The following HS6ST2 variants were observed in gnomAD, a reference collection of about 807,000 sequenced individuals.
HS6ST2 encodes heparan-sulfate 6-O-sulfotransferase 2.
Under a neutral mutation model 33.0 loss-of-function variants are expected in HS6ST2, and 17 were observed. That is an observed-to-expected ratio of 0.52 (90% confidence interval 0.35 to 0.77). The LOEUF (loss-of-function observed/expected upper bound fraction) is 0.77, where lower values mean the gene tolerates loss of function less well. HS6ST2 is among the 30% of genes least tolerant of loss of function. HS6ST2 has a pLI of 0.01. For missense variants in HS6ST2, 519 were observed against 551.7 expected (o/e 0.94, Z 0.59); for synonymous variants, 248 against 237.1 (o/e 1.05, Z -0.42).
At chrX:132,787,937 A>G (rs910428193) in intron 2 of HS6ST2, among the ~76,000 whole-genome samples, 6 of 110,897 alleles carry the variant, frequency 5.4e-5, no homozygotes, top group Non-Finnish European at 1.1e-4. Flanking sequence ...ACATGTGTTT[A>G]TCTATCCATC....
chrX:132,665,672 G>C (rs910781274), intron 4 of HS6ST2, among the ~76,000 whole-genome samples: 3 of 111,087 alleles, frequency 2.7e-5, no homozygotes, highest in Non-Finnish European at 5.7e-5. Flanking sequence ...TAAATGCAGT[G>C]GTCTGGCCTG....
At chrX:132,856,982 C>G (rs184021516) in intron 2 of HS6ST2, among the ~76,000 whole-genome samples, 2 of 111,733 alleles carry the variant, frequency 1.8e-5, no homozygotes, top group Admixed American at 1.9e-4. Context: ...GCTCTCAGGA[C>G]AGAGGACTAA....
chrX:132,804,685 G>C (rs952267362), intron 2 of HS6ST2, among the ~76,000 whole-genome samples: 2 of 111,495 alleles, frequency 1.8e-5, no homozygotes, highest in Non-Finnish European at 3.8e-5. Flanking sequence ...TATAGTCCCA[G>C]CTACTTGGGA....
At chrX:132,911,380 C>A (rs1467827473) in intron 2 of HS6ST2, among the ~76,000 whole-genome samples, 1 of 111,140 alleles carries the variant, frequency 9.0e-6, no homozygotes, top group East Asian at 2.8e-4. Flanking sequence ...GATACACCAA[C>A]AAAGCAGTAA....
intron 2 of HS6ST2, among the ~76,000 whole-genome samples, chrX:132,955,006 T>C (rs1229682873): frequency 8.9e-6 from 1 of 111,947 alleles, no homozygotes; most frequent in Non-Finnish European, 1.9e-5. Flanking sequence ...TAAAGGCACA[T>C]GTGCCCCATG....
At chrX:132,680,077 T>C (rs1360840120) in intron 3 of HS6ST2, among the ~76,000 whole-genome samples, 1 of 106,379 alleles carries the variant, frequency 9.4e-6, no homozygotes, top group Non-Finnish European at 1.9e-5. Context: ...GAGATGACGA[T>C]TAAGAGATTA....
At chrX:132,658,534 C>T (rs983079820) in intron 4 of HS6ST2, among the ~76,000 whole-genome samples, 2 of 110,666 alleles carry the variant, frequency 1.8e-5, no homozygotes, top group African/African-American at 3.3e-5. Flanking sequence ...TATCAGAGCA[C>T]GTTGTGCTTT....
chrX:132,797,445 C>T (rs1285631311), intron 2 of HS6ST2, among the ~76,000 whole-genome samples: 1 of 112,215 alleles, frequency 8.9e-6, no homozygotes, highest in Non-Finnish European at 1.9e-5. Flanking sequence ...TCTGGGCTTT[C>T]CCCTGTCTGA....
In HS6ST2 at chrX:132,957,052, G is replaced by A; in HGVS notation, c.703C>T (p.Gln235Ter). 8.3e-7 allele frequency: 1 copy of A among 1,211,851 alleles called. No individual in the cohort carries two copies. Among genetic ancestry groups the A allele is most frequent in the Admixed American group, 2.2e-5 (1 of 46,116 alleles). ...GDDLIVFLHI[Q>*]KTGGTTFGRH... ...CCGAAAGTGGTGCCCCCGGTCTTCT[G>A]GATGTGCAGGAACACGATCAGGTCA... is the stretch of plus-strand genomic sequence containing the variant. Residue 235 changes from glutamine to a stop codon, truncating the protein, a stop_gained, in exon 2 of 5, where the codon CAG becomes TAG. Transcript: ENST00000370833. LOFTEE classifies it high-confidence loss of function.
At chrX:132,835,339 T>A (rs1421620982) in intron 2 of HS6ST2, among the ~76,000 whole-genome samples, 1 of 111,482 alleles carries the variant, frequency 9.0e-6, no homozygotes, top group African/African-American at 3.3e-5. Flanking sequence ...GCTGCACAGA[T>A]GAGTGATATA....
At chrX:132,679,143 A>G (rs917093094) in intron 3 of HS6ST2, among the ~76,000 whole-genome samples, 1 of 112,393 alleles carries the variant, frequency 8.9e-6, no homozygotes, top group African/African-American at 3.2e-5. Context: ...CGGAGTACAG[A>G]ACAAGGCCAG....
intron 2 of HS6ST2, among the ~76,000 whole-genome samples, chrX:132,800,267 G>A (rs1186816239): frequency 9.0e-6 from 1 of 111,398 alleles, no homozygotes; most frequent in East Asian, 2.8e-4. Context: ...ACATGTGAGG[G>A]ATCTAAGTTG....
In HS6ST2 at chrX:132,958,172, T is replaced by C; in HGVS notation, c.428+3A>G. On this transcript the variant is annotated splice_donor_region_variant and intron_variant, in intron 1 of 4. Transcript: ENST00000370833. ...GCGAACCCCGCTTTCACCTAGAACGTACCTGGCCATGGGGCCGAAAATCTT... is the reference window on the plus strand; with the variant it reads ...GCGAACCCCGCTTTCACCTAGAACGCACCTGGCCATGGGGCCGAAAATCTT... 1 of 1,136,771 alleles carries C rather than the reference T, an allele frequency of 8.8e-7. No individual in the cohort carries two copies. Among genetic ancestry groups the C allele is most frequent in the Non-Finnish European group, 1.2e-6 (1 of 863,678 alleles). 93.7% of individuals were successfully genotyped at this position (1,136,771 alleles called of 1,213,427 possible).
intron 2 of HS6ST2, among the ~76,000 whole-genome samples, chrX:132,915,886 G>A (rs957834426): frequency 6.7e-5 from 5 of 74,837 alleles, no homozygotes; most frequent in East Asian, 3.9e-4. Context: ...GTGCCACCAC[G>A]CCCGGCTATT....
chrX:132,844,198 C>T (rs1009990680), intron 2 of HS6ST2, among the ~76,000 whole-genome samples: 1 of 111,026 alleles, frequency 9.0e-6, no homozygotes, highest in African/African-American at 3.3e-5. Context: ...CTGGACTCAT[C>T]CTATAGAAAA....
At chrX:132,765,454 A>ATTT (rs1388665816) in intron 2 of HS6ST2, among the ~76,000 whole-genome samples, 1 of 111,470 alleles carries the variant, frequency 9.0e-6, no homozygotes, top group Non-Finnish European at 1.9e-5. Flanking sequence ...ATTTATTTCT[A>ATTT]TTTTTTATTT....
At chrX:132,659,065 C>G (rs1008472896) in intron 4 of HS6ST2, among the ~76,000 whole-genome samples, 19 of 111,990 alleles carry the variant, frequency 1.7e-4, no homozygotes, top group African/African-American at 6.2e-4. Context: ...ACATGATATT[C>G]CTCTCAGAAC....
chrX:132,860,777 C>CTT (rs58059164), intron 2 of HS6ST2, among the ~76,000 whole-genome samples: 11 of 52,895 alleles, frequency 2.1e-4, no homozygotes, highest in Non-Finnish European at 2.6e-4. Flanking sequence ...GCATGTGTAT[C>CTT]TTTTTTTTTT....
chrX:132,665,577 A>G (rs772200873), intron 4 of HS6ST2, among the ~76,000 whole-genome samples: 5 of 111,572 alleles, frequency 4.5e-5, no homozygotes, highest in African/African-American at 6.5e-5. Context: ...GGATAATCCA[A>G]TGGGTCAGCA....
Sources: gnomAD v4.1 joint callset for allele counts (sites outside exome capture counted in the v4.1 genomes callset) on GRCh38, gnomAD v4.1.1 for gene constraint, MANE v1.5 for transcripts, NCBI Gene and HGNC (gene_info 2026-07-23, HGNC 2026-07-21) for gene names.